The following ABCA5 variants were observed in gnomAD, a reference collection of about 807,000 sequenced individuals.
ABCA5 encodes ATP binding cassette subfamily A member 5, also known as cholesterol transporter ABCA5.
A neutral mutation model predicts 206.0 loss-of-function variants in ABCA5; 163 were observed. The ratio of observed to expected loss-of-function variants is 0.79; its 90% CI spans 0.70 to 0.90. The LOEUF (loss-of-function observed/expected upper bound fraction) is 0.90, where lower values mean the gene tolerates loss of function less well. Ranked by LOEUF, ABCA5 falls within the 40% of genes least tolerant of loss-of-function variation. The pLI is 0.00. For synonymous variants in ABCA5, 609 were observed against 613.8 expected (o/e 0.99, Z 0.11); for missense variants, 1,859 against 1,912.9 (o/e 0.97, Z 0.53).
intron 17 of ABCA5, among the ~76,000 whole-genome samples, chr17:69,284,624 TC>T (rs2075430986): frequency 6.6e-6 from 1 of 152,134 alleles, no homozygotes; most frequent in Admixed American, 6.6e-5. Context: ...AAAAACTGCA[TC>T]TTTTAAAACA....
At chr17:69,259,603 C>T in intron 28 of ABCA5, 103 bp downstream of exon 28, 1 of 750,102 alleles carries the variant, frequency 1.3e-6, no homozygotes, top group Non-Finnish European at 2.1e-6. Flanking sequence ...TACAAAGTTT[C>T]TTTTTGGAGT....
intron 1 of ABCA5, among the ~76,000 whole-genome samples, chr17:69,321,682 G>A (rs2075866626): frequency 6.6e-6 from 1 of 151,894 alleles, no homozygotes; most frequent in Non-Finnish European, 1.5e-5. Context: ...TCTTACCAAT[G>A]AAATACTTTA....
At chr17:69,319,531 C>T (rs1444230764) in intron 1 of ABCA5, among the ~76,000 whole-genome samples, 1 of 152,150 alleles carries the variant, frequency 6.6e-6, no homozygotes, top group Non-Finnish European at 1.5e-5. Flanking sequence ...CCATCACCAC[C>T]ACCACCACTA....
chr17:69,252,836 CAAAAAAAAA>C (rs34161698), intron 34 of ABCA5, among the ~76,000 whole-genome samples: 2 of 97,030 alleles, frequency 2.1e-5, no homozygotes, highest in African/African-American at 4.1e-5. Context: ...GACTCTGACT[CAAAAAAAAA>C]AAAAAAAAAA....
At chr17:69,248,346 T>G (rs775739121) in intron 37 of ABCA5, 29 bp from the exon 38 acceptor site, 2 of 1,380,906 alleles carry the variant, frequency 1.4e-6, no homozygotes, top group Non-Finnish European at 2.0e-6. Flanking sequence ...AGTATTTTAC[T>G]TATCAATATC....
In ABCA5 at chr17:69,250,405, TTAATA is replaced by T; in HGVS notation, c.4685+62_4685+66del. ...GAAAAGATGATTTTTCACTTAATCC[TTAATA>T]TAATAACTTTTTATAACCTTTGCTC... On this transcript the variant is annotated intron_variant, in intron 36 of 38. Coordinates refer to ENST00000392676, the MANE Select transcript of ABCA5 (RefSeq NM_172232.4). 3 of 1,420,802 alleles carry T rather than the reference TTAATA, an allele frequency of 2.1e-6. 1 individual carries two copies. Among genetic ancestry groups the T allele is most frequent in the South Asian group, 2.7e-5 (2 of 74,418 alleles). The allele number at this position is 1,420,802 out of a possible 1,614,324, so 88.0% of individuals were successfully genotyped here. A position where few individuals can be genotyped will look rare whatever the true frequency, so the allele number is the denominator to read the frequency against.
intron 19 of ABCA5, among the ~76,000 whole-genome samples, chr17:69,275,722 T>C: frequency 6.6e-6 from 1 of 152,204 alleles, no homozygotes; most frequent in East Asian, 1.9e-4. Context: ...GGATTGAATG[T>C]TTGTGCCTCC....
chr17:69,319,204 T>C (rs1196563899), intron 1 of ABCA5, among the ~76,000 whole-genome samples: 1 of 152,154 alleles, frequency 6.6e-6, no homozygotes, highest in Non-Finnish European at 1.5e-5. Context: ...TTTGCTACAA[T>C]ACAAACATAG....
At chr17:69,291,110 A>T in intron 12 of ABCA5, 106 bp downstream of exon 12, 1 of 576,474 alleles carries the variant, frequency 1.7e-6, no homozygotes, top group Non-Finnish European at 2.8e-6. Context: ...AAAAAAGAAA[A>T]CACCTTTACA....
In ABCA5 at chr17:69,252,046, C is replaced by T. The variant is rs538513495; in HGVS notation, c.4416-180G>A. 5.2e-5 allele frequency among the ~76,000 whole-genome samples: 4 copies of T among 76,322 alleles called. No individual in the cohort carries two copies. The South Asian group carries it at 1.5e-3, about 29-fold the overall frequency. 50.1% of individuals were successfully genotyped at this position (76,322 alleles called of 152,430 possible). On this transcript the variant is annotated intron_variant, in intron 34 of 38. Coordinates refer to ENST00000392676, the MANE Select transcript of ABCA5 (RefSeq NM_172232.4). The stretch of plus-strand genomic sequence containing the variant: ...TTTTTTTTTGAGACGGAGTCTCGCT[C>T]TGTCCCCCAGGCTGGAGAGAAGTGG...
chr17:69,277,693 C>T lies in ABCA5; in HGVS notation c.2542G>A (p.Ala848Thr), dbSNP rs748910751. 3.1e-5 allele frequency: 50 copies of T among 1,611,040 alleles called. 1 individual carries two copies. The Admixed American group carries it at 6.7e-4, about 22-fold the overall frequency. ...TTCAAGGTAAAGAAATGAAACTTTG[C>T]TATTGTATACATCTGTTGTTTCCAA... ...SLWKQQMYTI[A>T]KFHFFTLKRE... The change falls in exon 19 of 39, where the codon GCA becomes ACA. Residue 848 changes from alanine to threonine, a missense_variant. By Grantham distance (58) the Ala-to-Thr change is moderately conservative (BLOSUM62 0). Coordinates refer to ENST00000392676, the MANE Select transcript of ABCA5 (RefSeq NM_172232.4).
chr17:69,301,225 T>C lies in ABCA5; in HGVS notation c.1181A>G (p.Tyr394Cys), dbSNP rs370704601. ...CATGATAATTGTAATAATTAGAGGA[T>C]ATGGGCCTGCAGTCAAATTTGAAAA... is the stretch of plus-strand genomic sequence containing the variant. Reference protein sequence around the residue: ...ASFSNLTAGPYPLIITIIMLT... With the variant: ...ASFSNLTAGPCPLIITIIMLT... Residue 394 changes from tyrosine (Y) to cysteine (C), a missense_variant, in exon 9 of 39, where the codon TAT (tyrosine) becomes TGT (cysteine). Transcript: ENST00000392676. 3.1e-6 allele frequency: 5 copies of C among 1,603,966 alleles called. No homozygotes were observed. Among genetic ancestry groups the C allele is most frequent in the Non-Finnish European group, 3.4e-6 (4 of 1,177,492 alleles).
chr17:69,314,435 T>G lies in ABCA5; in HGVS notation c.-15-5A>C, dbSNP rs781739896. ...GGACATGTTTTCTGAATAAACCTAT[T>G]AAAGAGGAAAAACAAACAAACAAAC... On this transcript the variant is annotated splice_region_variant and splice_polypyrimidine_tract_variant and intron_variant, in intron 1 of 38. Coordinates refer to ENST00000392676, the MANE Select transcript of ABCA5 (RefSeq NM_172232.4). 10 of 1,555,796 alleles carry G rather than the reference T, an allele frequency of 6.4e-6. No homozygotes were observed. In the South Asian group the frequency reaches 1.1e-4, roughly 18 times the overall value.
intron 19 of ABCA5, among the ~76,000 whole-genome samples, chr17:69,277,123 T>C (rs185263466): frequency 6.6e-6 from 1 of 152,316 alleles, no homozygotes; most frequent in East Asian, 1.9e-4. Flanking sequence ...TGAGATGTCA[T>C]TTTGATCCCA....
intron 1 of ABCA5, among the ~76,000 whole-genome samples, chr17:69,321,582 T>C (rs1013547120): frequency 1.3e-5 from 2 of 152,188 alleles, no homozygotes; most frequent in South Asian, 2.1e-4. Flanking sequence ...TAAGTTTAAT[T>C]GCCTCTAAAT....
chr17:69,247,357 T>C lies in ABCA5; in HGVS notation c.*180A>G. 10 of 529,630 alleles carry C rather than the reference T, an allele frequency of 1.9e-5. No homozygotes were observed. Among genetic ancestry groups the C allele is most frequent in the Non-Finnish European group, 3.3e-5 (10 of 302,774 alleles). The allele number at this position is 529,630 out of a possible 1,614,324, so 32.8% of individuals were successfully genotyped here. A position where few individuals can be genotyped will look rare whatever the true frequency, so the allele number is the denominator to read the frequency against. On this transcript the variant is annotated 3_prime_UTR_variant, in exon 39 of 39. Transcript: ENST00000392676. ...ACATGCAGCTTCACTTAATTATACA[T>C]ACGTTTTATTTAAAGAAAAGCAAAA... is the stretch of plus-strand genomic sequence containing the variant.
At chr17:69,285,320 T>TAA (rs11362790) in intron 17 of ABCA5, 12 of 151,138 alleles carry the variant, frequency 7.9e-5, no homozygotes, top group African/African-American at 2.9e-4. Context: ...GATTTCTTTT[T>TAA]AAAAAAAAAA....
intron 6 of ABCA5, among the ~76,000 whole-genome samples, chr17:69,306,272 T>G (rs2075715539): frequency 6.6e-6 from 1 of 152,130 alleles, no homozygotes; most frequent in Non-Finnish European, 1.5e-5. Context: ...AAAAAGTCCA[T>G]ATACCACATA....
At chr17:69,310,117 C>T (rs990563646) in intron 3 of ABCA5, among the ~76,000 whole-genome samples, 1 of 151,996 alleles carries the variant, frequency 6.6e-6, no homozygotes, top group Non-Finnish European at 1.5e-5. Context: ...TTATCTATCT[C>T]GAAGTTAAAC....
Sources: allele counts gnomAD v4.1 joint callset (sites outside exome capture counted in the v4.1 genomes callset), GRCh38; gene constraint gnomAD v4.1.1; transcripts MANE v1.5; gene names NCBI Gene and HGNC (gene_info 2026-07-23, HGNC 2026-07-21).